Variants in ARNT2 observed in about 807,000 individuals in gnomAD.
The protein encoded by ARNT2 is ARNT protein 2.
Under a neutral mutation model 91.7 loss-of-function variants are expected in ARNT2, and 36 were observed. That is an observed-to-expected ratio of 0.39 (90% CI 0.30 to 0.52). ARNT2 has a LOEUF of 0.52. Among genes scored for constraint, ARNT2 ranks in the 20% least tolerant of loss-of-function variants. The pLI, the probability that ARNT2 is intolerant of heterozygous loss-of-function variation, is 0.72. For missense variants in ARNT2, 775 were observed against 939.3 expected (o/e 0.83, Z 2.29); for synonymous variants, 365 against 347.1 (o/e 1.05, Z -0.57).
At chr15:80,582,650 G>A (rs1331922045) in intron 17 of ARNT2, among the ~76,000 whole-genome samples, 3 of 152,170 alleles carry the variant, frequency 2.0e-5, no homozygotes, top group Non-Finnish European at 2.9e-5. Flanking sequence ...CTGAGGCCAT[G>A]CTTGTCCCTC....
At chr15:80,473,614 C>A (rs974758625) in intron 4 of ARNT2, among the ~76,000 whole-genome samples, 1 of 152,170 alleles carries the variant, frequency 6.6e-6, no homozygotes, top group Admixed American at 6.5e-5. Context: ...AGCAAAAGTG[C>A]AAAGCAAGAG....
Position 80,596,901 on chromosome 15 carries a change from A to C in ARNT2, c.*3203A>C, listed in dbSNP as rs1596031121. On this transcript the variant is annotated 3_prime_UTR_variant, in exon 19 of 19. Coordinates refer to ENST00000303329, the MANE Select transcript of ARNT2 (RefSeq NM_014862.4). ...GGATGGCCAAGGATGGCTCTAGAACACTCTGTCCATGCGTCACTCCCCCCA... is the reference window on the plus strand; with the variant it reads ...GGATGGCCAAGGATGGCTCTAGAACCCTCTGTCCATGCGTCACTCCCCCCA... 1.1e-5 allele frequency: 4 copies of C among 349,722 alleles called. No homozygotes were observed. The East Asian group carries it at 2.2e-4, about 20-fold the overall frequency. The allele number at this position is 349,722 out of a possible 1,614,324, so 21.7% of individuals were successfully genotyped here. A position where few individuals can be genotyped will look rare whatever the true frequency, so the allele number is the denominator to read the frequency against.
intron 13 of ARNT2, 142 bp downstream of exon 13, chr15:80,574,362 G>A (rs1437276546): frequency 1.3e-6 from 1 of 761,648 alleles, no homozygotes; most frequent in East Asian, 2.7e-5. Flanking sequence ...AGACCTACAG[G>A]TCCCCTGGGG....
intron 1 of ARNT2, among the ~76,000 whole-genome samples, chr15:80,419,262 T>C (rs1319066121): frequency 1.3e-5 from 2 of 152,146 alleles, no homozygotes; most frequent in East Asian, 3.8e-4. Context: ...CAAGTTCCAG[T>C]GATGCTGGTA....
intron 17 of ARNT2, 51 bp downstream of exon 17, chr15:80,581,455 T>C: frequency 1.9e-6 from 3 of 1,607,044 alleles, no homozygotes; most frequent in Non-Finnish European, 2.6e-6. Context: ...CACAAATGCT[T>C]TCTGAACAGC....
At chr15:80,539,620 AAGAG>A (rs1369540804) in intron 8 of ARNT2, among the ~76,000 whole-genome samples, 11 of 152,158 alleles carry the variant, frequency 7.2e-5, no homozygotes, top group Non-Finnish European at 1.6e-4. Context: ...ATAATTACTT[AAGAG>A]GTAGAAAAGT....
At chr15:80,514,889 A>C (rs866423827) in intron 8 of ARNT2, among the ~76,000 whole-genome samples, 36 of 152,304 alleles carry the variant, frequency 2.4e-4, no homozygotes, top group Middle Eastern at 6.8e-3. Context: ...CCATCTCAAA[A>C]AAACAAACAA....
rs1896780467 is a variant in ARNT2 at position 80,475,060 on chromosome 15, G to A, written c.459G>A (p.Val153=). 6.2e-7 allele frequency: 1 copy of A among 1,614,050 alleles called. No individual in the cohort carries two copies. Among genetic ancestry groups the A allele is most frequent in the African/African-American group, 1.3e-5 (1 of 74,914 alleles). Residue 153 remains valine (V), a synonymous_variant, in exon 5 of 19, where the codon GTG becomes GTA. Transcript: ENST00000303329. ...CAGCTGATGGATTTCTGTTTGTGGT[G>A]GCTGCTGAGACAGGGCGAGTGATTT... ...LEAADGFLFV[V]AAETGRVIYV...
At chr15:80,463,006 C>T (rs1485341730) in intron 3 of ARNT2, among the ~76,000 whole-genome samples, 1 of 152,050 alleles carries the variant, frequency 6.6e-6, no homozygotes, top group Non-Finnish European at 1.5e-5. Flanking sequence ...GTATCATGAC[C>T]AAAACTCTGT....
At chr15:80,505,112 C>T (rs28408567) in intron 5 of ARNT2, among the ~76,000 whole-genome samples, 3,100 of 152,284 alleles carry the variant, frequency 0.02, 112 homozygotes, top group African/African-American at 0.069. Flanking sequence ...CTCCTGTGTG[C>T]GAATCACTTT....
At chr15:80,451,374 A>G (rs1453113961) in intron 2 of ARNT2, among the ~76,000 whole-genome samples, 2 of 152,246 alleles carry the variant, frequency 1.3e-5, no homozygotes, top group Admixed American at 1.3e-4. Context: ...GGTGCTGTCC[A>G]TTCTTTCCTC....
intron 12 of ARNT2, among the ~76,000 whole-genome samples, chr15:80,568,949 C>T (rs4778821): frequency 0.19 from 29,016 of 152,130 alleles, 3,013 homozygotes; most frequent in African/African-American, 0.25. Context: ...CACACACACG[C>T]GCGTGCACAC....
intron 17 of ARNT2, among the ~76,000 whole-genome samples, chr15:80,588,317 T>C (rs1017372055): frequency 2.0e-5 from 3 of 152,096 alleles, no homozygotes; most frequent in Non-Finnish European, 4.4e-5. Flanking sequence ...GTTCTGTGTT[T>C]TGAGCCACTG....
intron 1 of ARNT2, among the ~76,000 whole-genome samples, chr15:80,449,715 A>T (rs938715225): frequency 6.6e-6 from 1 of 152,226 alleles, no homozygotes; most frequent in Non-Finnish European, 1.5e-5. Flanking sequence ...TTTATTAAAC[A>T]TACAGTGTTT....
chr15:80,477,634 G>A (rs1191317937), intron 5 of ARNT2, among the ~76,000 whole-genome samples: 5 of 147,754 alleles, frequency 3.4e-5, no homozygotes, highest in African/African-American at 2.5e-5. Context: ...CTGTGTGCAC[G>A]AATCTTTTGT....
intron 18 of ARNT2, 54 bp from the exon 19 acceptor site, chr15:80,593,546 T>G (rs1893322221): frequency 7.0e-7 from 1 of 1,426,728 alleles, no homozygotes; most frequent in African/African-American, 1.4e-5. Flanking sequence ...ACATGCCCAG[T>G]GCACGGACAG....
chr15:80,563,340 C>T, intron 12 of ARNT2, 101 bp downstream of exon 12: 1 of 1,457,088 alleles, frequency 6.9e-7, no homozygotes, highest in Non-Finnish European at 9.5e-7. Context: ...CCGGCTCTCC[C>T]TGCAGCTGGA....
chr15:80,477,957 G>A (rs915052916), intron 5 of ARNT2, among the ~76,000 whole-genome samples: 1 of 152,182 alleles, frequency 6.6e-6, no homozygotes, highest in African/African-American at 2.4e-5. Context: ...GAGAATTAAG[G>A]TGTAAAGACA....
At chr15:80,434,170 G>A (rs80262517) in intron 1 of ARNT2, 31 of 152,368 alleles carry the variant, frequency 2.0e-4, no homozygotes, top group African/African-American at 7.0e-4. Context: ...GGATTCTAGT[G>A]TCTGTGTCTA....
Sources: allele counts gnomAD v4.1 joint callset (sites outside exome capture counted in the v4.1 genomes callset), GRCh38; gene constraint gnomAD v4.1.1; transcripts MANE v1.5; gene names NCBI Gene and HGNC (gene_info 2026-07-23, HGNC 2026-07-21).